NKAIN2: variants seen among roughly 807,000 people sequenced by gnomAD.
NKAIN2 encodes sodium/potassium transporting ATPase interacting 2.
NKAIN2 carries 14 observed loss-of-function variants against 32.6 expected under a neutral mutation model. The ratio of observed to expected loss-of-function variants is 0.43; its 90% CI spans 0.28 to 0.67. The LOEUF (loss-of-function observed/expected upper bound fraction) is 0.67, where lower values mean the gene tolerates loss of function less well. Ranked by LOEUF, NKAIN2 falls within the 30% of genes least tolerant of loss-of-function variation. NKAIN2 has a pLI of 0.17. For synonymous variants in NKAIN2, 80 were observed against 87.2 expected, an observed-to-expected ratio of 0.92 and a Z score of 0.46; for missense variants, 198 against 258.3, an observed-to-expected ratio of 0.77 and a Z score of 1.60.
At chr6:124,496,310 G>C (rs1583337783) in intron 3 of NKAIN2, among the ~76,000 whole-genome samples, 1 of 152,094 alleles carries the variant, frequency 6.6e-6, no homozygotes, top group Non-Finnish European at 1.5e-5. Context: ...CCTTCCGACT[G>C]AGTAAAATAG....
intron 1 of NKAIN2, among the ~76,000 whole-genome samples, chr6:123,839,709 T>A (rs1369361593): frequency 6.6e-6 from 1 of 152,164 alleles, no homozygotes; most frequent in African/African-American, 2.4e-5. Context: ...TGCTTTTAAA[T>A]AACTGAATGG....
chr6:124,817,535 C>A (rs1781219748), intron 5 of NKAIN2, among the ~76,000 whole-genome samples: 1 of 152,002 alleles, frequency 6.6e-6, no homozygotes, highest in African/African-American at 2.4e-5. Flanking sequence ...CCCAAAAGAG[C>A]AAGATAAAAG....
chr6:124,659,986 G>A (rs533274200), intron 4 of NKAIN2, among the ~76,000 whole-genome samples: 1 of 152,162 alleles, frequency 6.6e-6, no homozygotes, highest in East Asian at 1.9e-4. Flanking sequence ...AAATCTAAAA[G>A]TGCTTACTTT....
In NKAIN2 at chr6:124,366,975, C is replaced by A. The variant is rs993273035; in HGVS notation, c.273+11628C>A. ...AAGAATTTTAAAATGCTGAATAACT[C>A]TCCATAAATTTATAAATAATTATGA... On this transcript the variant is annotated intron_variant, in intron 3 of 6. Transcript: ENST00000368417. Among the ~76,000 whole-genome samples the A allele has an allele frequency of 4.0e-5, 6 of 151,542 alleles. No homozygotes were observed. The East Asian group carries it at 9.7e-4, about 25-fold the overall frequency.
chr6:124,486,473 T>C (rs1777654248), intron 3 of NKAIN2, among the ~76,000 whole-genome samples: 1 of 152,206 alleles, frequency 6.6e-6, no homozygotes, highest in Admixed American at 6.5e-5. Context: ...TTCTGTATTT[T>C]GGAATATTGA....
At chr6:123,958,776 G>A (rs923977848) in intron 1 of NKAIN2, among the ~76,000 whole-genome samples, 6 of 152,202 alleles carry the variant, frequency 3.9e-5, no homozygotes, top group African/African-American at 9.6e-5. Context: ...GAATCGCTAC[G>A]TCAACCTCAG....
At chr6:123,938,764 A>G (rs1370780724) in intron 1 of NKAIN2, among the ~76,000 whole-genome samples, 1 of 151,182 alleles carries the variant, frequency 6.6e-6, no homozygotes. Context: ...TAGACTGGTA[A>G]CTGTCTTAAC....
chr6:123,878,227 A>AG (rs1449936717), intron 1 of NKAIN2, among the ~76,000 whole-genome samples: 1 of 20,202 alleles, frequency 4.9e-5, no homozygotes, highest in Non-Finnish European at 7.6e-5. Context: ...ACTCCATCTC[A>AG]AAAAAAAAAA....
At chr6:124,173,516 G>T (rs1255825371) in intron 1 of NKAIN2, among the ~76,000 whole-genome samples, 1 of 152,016 alleles carries the variant, frequency 6.6e-6, no homozygotes, top group African/African-American at 2.4e-5. Context: ...CATAAAAAAT[G>T]CAAAGCTGAT....
chr6:124,156,251 C>G (rs1313366012), intron 1 of NKAIN2, among the ~76,000 whole-genome samples: 1 of 152,092 alleles, frequency 6.6e-6, no homozygotes, highest in East Asian at 1.9e-4. Flanking sequence ...CTATATGTTT[C>G]TTTTAATTTA....
intron 1 of NKAIN2, among the ~76,000 whole-genome samples, chr6:124,151,178 CTT>C (rs531350016): frequency 4.4e-4 from 67 of 151,720 alleles, no homozygotes; most frequent in Non-Finnish European, 7.1e-4. Context: ...GGGAAGAAAA[CTT>C]TTATCATCTA....
At chr6:124,601,440 GT>G (rs888988828) in intron 3 of NKAIN2, among the ~76,000 whole-genome samples, 6 of 152,018 alleles carry the variant, frequency 3.9e-5, no homozygotes, top group African/African-American at 1.4e-4. Flanking sequence ...TGAGACAAAT[GT>G]TTTTATCTTA....
At chr6:124,318,781 G>A (rs1203326845) in intron 2 of NKAIN2, among the ~76,000 whole-genome samples, 1 of 151,886 alleles carries the variant, frequency 6.6e-6, no homozygotes, top group Non-Finnish European at 1.5e-5. Context: ...ACATAGTTTA[G>A]TTCTCTTTGA....
chr6:124,411,467 C>G (rs1774178892), intron 3 of NKAIN2, among the ~76,000 whole-genome samples: 1 of 152,100 alleles, frequency 6.6e-6, no homozygotes, highest in African/African-American at 2.4e-5. Flanking sequence ...ATATGAAATT[C>G]TGGCTTGAAA....
intron 1 of NKAIN2, among the ~76,000 whole-genome samples, chr6:124,256,258 C>T (rs902893754): frequency 2.6e-5 from 4 of 152,108 alleles, no homozygotes; most frequent in African/African-American, 9.7e-5. Flanking sequence ...AGGAAAACTG[C>T]ATTGGTTTAT....
intron 1 of NKAIN2, among the ~76,000 whole-genome samples, chr6:124,232,497 G>GA (rs1792512887): frequency 6.6e-6 from 1 of 152,082 alleles, no homozygotes; most frequent in South Asian, 2.1e-4. Flanking sequence ...AGATTCGATT[G>GA]AAAAAATGAG....
intron 1 of NKAIN2, among the ~76,000 whole-genome samples, chr6:124,274,046 A>G (rs1474670513): frequency 6.6e-6 from 1 of 152,196 alleles, no homozygotes; most frequent in Non-Finnish European, 1.5e-5. Context: ...TTTTCAGCTC[A>G]TTTCACATGA....
intron 1 of NKAIN2, among the ~76,000 whole-genome samples, chr6:123,991,964 G>GT (rs765640085): frequency 2.0e-5 from 3 of 151,812 alleles, no homozygotes. Context: ...GGTTGGCTAG[G>GT]TTAAAAAAAA....
intron 1 of NKAIN2, among the ~76,000 whole-genome samples, chr6:124,137,992 AC>A (rs1317413524): frequency 2.0e-5 from 3 of 152,200 alleles, no homozygotes; most frequent in Non-Finnish European, 4.4e-5. Context: ...AGCAAATGCA[AC>A]AAAAACAAAA....
Sources: gnomAD v4.1 joint callset for allele counts (sites outside exome capture counted in the v4.1 genomes callset) on GRCh38, gnomAD v4.1.1 for gene constraint, MANE v1.5 for transcripts, NCBI Gene and HGNC (gene_info 2026-07-23, HGNC 2026-07-21) for gene names.